PCDH11X: variants seen among roughly 807,000 people sequenced by gnomAD.
The protein encoded by PCDH11X is protocadherin-11 X-linked.
In PCDH11X, 18 loss-of-function variants were observed where a neutral mutation model predicts 53.3. That is an observed-to-expected ratio of 0.34 (90% CI 0.23 to 0.50). PCDH11X has a LOEUF of 0.50. Among genes scored for constraint, PCDH11X ranks in the 20% least tolerant of loss-of-function variants. The pLI, the probability that PCDH11X is intolerant of heterozygous loss-of-function variation, is 0.98. For missense variants in PCDH11X, 570 were observed against 1,032.4 expected (o/e 0.55, Z 6.14); for synonymous variants, 279 against 393.3 (o/e 0.71, Z 3.44).
intron 7 of PCDH11X, among the ~76,000 whole-genome samples, chrX:92,253,838 G>A (rs1005793921): frequency 4.5e-5 from 5 of 111,806 alleles, no homozygotes; most frequent in African/African-American, 1.6e-4. Context: ...TAGTTTTCTT[G>A]TGGAGTCTAG....
chrX:91,818,575 C>G (rs762347913), intron 4 of PCDH11X, among the ~76,000 whole-genome samples: 158 of 109,637 alleles, frequency 1.4e-3, no homozygotes, highest in African/African-American at 5.2e-3. Context: ...CATGGTGGCA[C>G]AAGCCTGTAG....
intron 8 of PCDH11X, among the ~76,000 whole-genome samples, chrX:92,382,561 A>G (rs1603295525): frequency 9.0e-6 from 1 of 111,202 alleles, no homozygotes; most frequent in Non-Finnish European, 1.9e-5. Flanking sequence ...GGACACAAGA[A>G]TGCTGGGGAT....
intron 9 of PCDH11X, among the ~76,000 whole-genome samples, chrX:92,463,181 T>G (rs902320215): frequency 8.1e-5 from 9 of 110,964 alleles, no homozygotes. Context: ...TCTTAAGGAC[T>G]AAGTTAAATT....
chrX:92,436,835 G>A lies in PCDH11X; in HGVS notation c.3344-31464G>A, dbSNP rs182816531. ...TCCTTGAGGGTGGAGTTTTGGAGGA[G>A]GGAGAGGAGCAGAAATAATAACTAT... On this transcript the variant is annotated intron_variant, in intron 9 of 10. Coordinates refer to ENST00000682573, the MANE Select transcript of PCDH11X (RefSeq NM_032968.5). Among the ~76,000 whole-genome samples, 525 of 109,847 alleles carry A rather than the reference G, an allele frequency of 4.8e-3. 3 individuals are homozygous for A. The highest frequency in any genetic ancestry group is 0.019 in the Middle Eastern group (4 of 214).
At chrX:92,081,300 G>A (rs1019379291) in intron 6 of PCDH11X, among the ~76,000 whole-genome samples, 1 of 109,946 alleles carries the variant, frequency 9.1e-6, no homozygotes, top group African/African-American at 3.3e-5. Flanking sequence ...ACCTAGCTCT[G>A]CCCCTGCTTG....
At chrX:92,603,462 T>C (rs756343021) in intron 10 of PCDH11X, among the ~76,000 whole-genome samples, 1 of 105,679 alleles carries the variant, frequency 9.5e-6, no homozygotes, top group Admixed American at 1.0e-4. Context: ...AAAAGTCATA[T>C]ATACACAATA....
At chrX:92,249,688 T>G (rs2067420808) in intron 7 of PCDH11X, among the ~76,000 whole-genome samples, 1 of 112,369 alleles carries the variant, frequency 8.9e-6, no homozygotes, top group East Asian at 2.8e-4. Flanking sequence ...TACATTGTTT[T>G]GAGAATATTT....
At chrX:92,217,113 G>A (rs1327437711) in intron 7 of PCDH11X, among the ~76,000 whole-genome samples, 1 of 111,073 alleles carries the variant, frequency 9.0e-6, no homozygotes, top group South Asian at 3.8e-4. Flanking sequence ...AAATTGTAAA[G>A]ACCATCGAGG....
chrX:92,260,840 A>G (rs937160322), intron 7 of PCDH11X, among the ~76,000 whole-genome samples: 1 of 112,048 alleles, frequency 8.9e-6, no homozygotes, highest in African/African-American at 3.2e-5. Flanking sequence ...GAGGTAAATA[A>G]GAACATACGA....
chrX:92,501,494 A>G (rs1349659574), intron 10 of PCDH11X, among the ~76,000 whole-genome samples: 1 of 111,506 alleles, frequency 9.0e-6, no homozygotes, highest in Admixed American at 9.6e-5. Context: ...ATATTGGCAA[A>G]CCAAAGCCAG....
rs1431395164 is a variant in PCDH11X, at chrX:92,119,812, AT to A, written c.3034-81559del. On this transcript the variant is annotated intron_variant, in intron 6 of 10. Transcript: ENST00000682573. ...ACACATTTATGCATTTTCTATTTTTATTTTACACATTTAATTGTTTATCTGT... is the reference window on the plus strand; with the variant it reads ...ACACATTTATGCATTTTCTATTTTTATTTACACATTTAATTGTTTATCTGT... 3.6e-5 allele frequency among the ~76,000 whole-genome samples: 4 copies of A among 111,563 alleles called. No individual in the cohort carries two copies. In the East Asian group the frequency reaches 8.4e-4, roughly 24 times the overall value.
intron 10 of PCDH11X, among the ~76,000 whole-genome samples, chrX:92,616,954 A>G (rs1928037834): frequency 9.0e-6 from 1 of 110,533 alleles, no homozygotes; most frequent in African/African-American, 3.3e-5. Context: ...TTCCACACAC[A>G]TTTTGTTACA....
intron 6 of PCDH11X, among the ~76,000 whole-genome samples, chrX:91,997,285 C>T (rs2062436243): frequency 9.1e-6 from 1 of 109,739 alleles, no homozygotes; most frequent in Non-Finnish European, 1.9e-5. Flanking sequence ...ACATCTTTGT[C>T]TTATTCCTTA....
intron 7 of PCDH11X, among the ~76,000 whole-genome samples, chrX:92,255,174 G>A (rs1334554388): frequency 1.6e-3 from 170 of 107,387 alleles, no homozygotes; most frequent in Admixed American, 3.2e-3. Flanking sequence ...TTCCCTTCTC[G>A]CTTCATTTCA....
intron 6 of PCDH11X, among the ~76,000 whole-genome samples, chrX:92,004,877 G>A (rs192235762): frequency 0.015 from 1,466 of 100,222 alleles, 22 homozygotes; most frequent in African/African-American, 0.051. Context: ...CCAGGTTCAC[G>A]CCATTCTCCT....
intron 10 of PCDH11X, among the ~76,000 whole-genome samples, chrX:92,595,039 T>C (rs778286227): frequency 3.1e-4 from 35 of 111,143 alleles, no homozygotes; most frequent in African/African-American, 1.1e-3. Flanking sequence ...TTTGCATAAG[T>C]TCGATAAGAA....
At chrX:92,267,764 T>C (rs2067864868) in intron 8 of PCDH11X, among the ~76,000 whole-genome samples, 1 of 112,412 alleles carries the variant, frequency 8.9e-6, no homozygotes, top group Non-Finnish European at 1.9e-5. Flanking sequence ...CTAAGAAATG[T>C]ATTTCTTACA....
chrX:91,905,019 T>C (rs1235746564), intron 6 of PCDH11X, among the ~76,000 whole-genome samples: 1 of 109,944 alleles, frequency 9.1e-6, no homozygotes, highest in African/African-American at 3.3e-5. Flanking sequence ...TTATTGTTTA[T>C]AATGATCTTC....
intron 6 of PCDH11X, among the ~76,000 whole-genome samples, chrX:92,096,836 C>G (rs1290966014): frequency 9.0e-6 from 1 of 111,137 alleles, no homozygotes; most frequent in African/African-American, 3.3e-5. Flanking sequence ...AGCTACAATT[C>G]AAGATGAAGA....
Sources: allele counts gnomAD v4.1 joint callset (sites outside exome capture counted in the v4.1 genomes callset), GRCh38; gene constraint gnomAD v4.1.1; transcripts MANE v1.5; gene names NCBI Gene and HGNC (gene_info 2026-07-23, HGNC 2026-07-21).